The following EYA3 variants were observed in gnomAD, a reference collection of about 807,000 sequenced individuals.
EYA3 encodes the protein EYA transcriptional coactivator and phosphatase 3, also known as protein phosphatase EYA3.
A neutral mutation model predicts 80.0 loss-of-function variants in EYA3; 39 were observed. The ratio of observed to expected loss-of-function variants is 0.49; its 90% CI spans 0.38 to 0.64. The LOEUF (loss-of-function observed/expected upper bound fraction) is 0.64, where lower values mean the gene tolerates loss of function less well. Ranked by LOEUF, EYA3 falls within the 30% of genes least tolerant of loss-of-function variation. EYA3 has a pLI of 0.00. For missense variants in EYA3, 523 were observed against 676.1 expected (o/e 0.77, Z 2.51); for synonymous variants, 206 against 232.8 (o/e 0.88, Z 1.05).
intron 16 of EYA3, among the ~76,000 whole-genome samples, chr1:27,983,943 T>C (rs1007465988): frequency 1.3e-5 from 2 of 151,750 alleles, no homozygotes; most frequent in African/African-American, 4.8e-5. Flanking sequence ...GCATGAGCCA[T>C]TAAGCCTGGC....
Position 28,013,667 on chromosome 1 carries a change from A to G in EYA3, c.586-373T>C, listed in dbSNP as rs1223324865. 6.6e-6 allele frequency among the ~76,000 whole-genome samples: 1 copy of G among 152,200 alleles called. No homozygotes were observed. The highest frequency in any genetic ancestry group is 1.9e-4 in the East Asian group (1 of 5,202). ...AGATTCTACTCTAAGAGGTTTACAAACTGTTGCACTAGATAATAGCACTTC... is the reference window on the plus strand; with the variant it reads ...AGATTCTACTCTAAGAGGTTTACAAGCTGTTGCACTAGATAATAGCACTTC... On this transcript the variant is annotated intron_variant, in intron 8 of 17. Transcript: ENST00000373871. This position sits in a 1 kb window ranked among gnomAD's most constrained non-coding sequence, Gnocchi z 4.0.
At chr1:27,997,527 T>C in intron 12 of EYA3, 149 bp from the exon 13 acceptor site, 1 of 695,408 alleles carries the variant, frequency 1.4e-6, no homozygotes, top group Non-Finnish European at 2.5e-6. Flanking sequence ...TCACACCCCT[T>C]GCTGTCCAAT....
At chr1:28,059,123 C>T (rs1471714255) in intron 1 of EYA3, among the ~76,000 whole-genome samples, 1 of 152,148 alleles carries the variant, frequency 6.6e-6, no homozygotes, top group Non-Finnish European at 1.5e-5. Context: ...CAGTATACCA[C>T]CACTCTACTT....
intron 17 of EYA3, among the ~76,000 whole-genome samples, chr1:27,975,500 T>A (rs926716013): frequency 1.3e-5 from 2 of 151,278 alleles, no homozygotes; most frequent in African/African-American, 2.4e-5. Context: ...TTTTTTTTTT[T>A]TTTGAGACAG....
At chr1:28,073,510 G>C (rs1645103181) in intron 1 of EYA3, among the ~76,000 whole-genome samples, 1 of 151,806 alleles carries the variant, frequency 6.6e-6, no homozygotes, top group Admixed American at 6.6e-5. Context: ...GTGTTGCCCA[G>C]GCTGGTCCTG....
At chr1:28,024,367 T>C (rs1011860524) in intron 7 of EYA3, among the ~76,000 whole-genome samples, 2 of 151,836 alleles carry the variant, frequency 1.3e-5, no homozygotes, top group Admixed American at 6.6e-5. Context: ...CATTAAAAGA[T>C]TGAATTAGGC....
At chr1:28,063,487 G>C (rs1644719070) in intron 1 of EYA3, among the ~76,000 whole-genome samples, 1 of 150,904 alleles carries the variant, frequency 6.6e-6, no homozygotes. Context: ...CTCCCAGGTA[G>C]CTGGGATTAC....
chr1:27,977,855 G>GAAAAAAAAAAAA (rs1334469197), intron 17 of EYA3, among the ~76,000 whole-genome samples: 1 of 65,484 alleles, frequency 1.5e-5, no homozygotes, highest in Non-Finnish European at 3.4e-5. Context: ...CTCAAAAACA[G>GAAAAAAAAAAAA]AAAAAAAAAG....
chr1:28,084,945 T>C (rs1458339537), intron 1 of EYA3, among the ~76,000 whole-genome samples: 3 of 152,024 alleles, frequency 2.0e-5, no homozygotes, highest in East Asian at 1.9e-4. Context: ...AAATCATACA[T>C]GAGCTAAAGT....
intron 7 of EYA3, among the ~76,000 whole-genome samples, chr1:28,022,195 C>G (rs1362785389): frequency 6.6e-6 from 1 of 152,184 alleles, no homozygotes; most frequent in Non-Finnish European, 1.5e-5. Flanking sequence ...GTCGCCCAGG[C>G]TGGAGTGCAG....
At chr1:28,010,669 C>A in intron 10 of EYA3, 1 of 318,460 alleles carries the variant, frequency 3.1e-6, no homozygotes, top group Non-Finnish European at 5.8e-6. Flanking sequence ...CCGCACCTGA[C>A]CCTTTTAAAA....
intron 7 of EYA3, among the ~76,000 whole-genome samples, chr1:28,017,596 G>A (rs1244123550): frequency 1.3e-5 from 2 of 152,276 alleles, no homozygotes; most frequent in South Asian, 4.1e-4. Flanking sequence ...CCTGCAATGT[G>A]ACCTACTGTA....
chr1:28,056,811 C>T (rs1486078416), intron 2 of EYA3, among the ~76,000 whole-genome samples: 1 of 152,084 alleles, frequency 6.6e-6, no homozygotes, highest in African/African-American at 2.4e-5. Context: ...AGTATGTCAA[C>T]ACTTACATAA....
chr1:27,996,848 C>T (rs1640493048), intron 13 of EYA3, among the ~76,000 whole-genome samples: 2 of 152,178 alleles, frequency 1.3e-5, no homozygotes, highest in South Asian at 4.1e-4. Flanking sequence ...AGCATTTTGC[C>T]ACTGAGATCT....
chr1:27,981,772 A>AG (rs1214706235), intron 16 of EYA3, among the ~76,000 whole-genome samples: 2 of 151,644 alleles, frequency 1.3e-5, no homozygotes, highest in Non-Finnish European at 2.9e-5. Context: ...TCAAAAAAAA[A>AG]AAAAAAAGAA....
rs1415554290 is a variant in EYA3, at chr1:28,013,899, C to T, written c.586-605G>A. Among the ~76,000 whole-genome samples, 1 of 152,032 alleles carries T rather than the reference C, an allele frequency of 6.6e-6. No individual in the cohort carries two copies. The highest frequency in any genetic ancestry group is 1.5e-5 in the Non-Finnish European group (1 of 68,012). ...CCAACATGGTGAAACCCTGTTTCTA[C>T]TAAAAATACAAAAATTAGCCTGGCG... On this transcript the variant is annotated intron_variant, in intron 8 of 17. Transcript: ENST00000373871. This position sits in a 1 kb window ranked among gnomAD's most constrained non-coding sequence, Gnocchi z 4.0.
intron 1 of EYA3, among the ~76,000 whole-genome samples, chr1:28,083,866 T>G (rs574800445): frequency 1.3e-5 from 2 of 152,338 alleles, no homozygotes; most frequent in East Asian, 3.9e-4. Context: ...GCCACATAAA[T>G]AGCCTAAATA....
chr1:28,030,130 T>C (rs1296312906), intron 6 of EYA3, among the ~76,000 whole-genome samples: 2 of 152,182 alleles, frequency 1.3e-5, no homozygotes, highest in African/African-American at 4.8e-5. Context: ...AACACATATA[T>C]GCAATTAAAA....
At chr1:28,003,506 C>G (rs1049615745) in intron 11 of EYA3, among the ~76,000 whole-genome samples, 2 of 150,210 alleles carry the variant, frequency 1.3e-5, no homozygotes, top group Non-Finnish European at 3.0e-5. Flanking sequence ...CAAAAAAACC[C>G]ACACCTACTA....
Sources: allele counts gnomAD v4.1 joint callset (sites outside exome capture counted in the v4.1 genomes callset), GRCh38; gene constraint gnomAD v4.1.1; non-coding constraint Gnocchi (gnomAD v3.1); transcripts MANE v1.5; gene names NCBI Gene and HGNC (gene_info 2026-07-23, HGNC 2026-07-21).